PPP2R5E: variants seen among roughly 807,000 people sequenced by gnomAD.
PPP2R5E encodes the protein serine/threonine-protein phosphatase 2A 56 kDa regulatory subunit epsilon isoform.
A neutral mutation model predicts 65.3 loss-of-function variants in PPP2R5E; 4 were observed. The observed-to-expected ratio is 0.06, with a 90% CI of 0.03 to 0.14. The LOEUF is 0.14. Among genes scored for constraint, PPP2R5E ranks in the 10% least tolerant of loss-of-function variants. PPP2R5E has a pLI of 1.00. For synonymous variants in PPP2R5E, 183 were observed against 187.4 expected, an observed-to-expected ratio of 0.98 and a Z score of 0.19; for missense variants, 274 against 556.1, an observed-to-expected ratio of 0.49 and a Z score of 5.10.
chr14:63,467,251 A>AC (rs1889879940), intron 2 of PPP2R5E, among the ~76,000 whole-genome samples: 2 of 150,830 alleles, frequency 1.3e-5, no homozygotes, highest in African/African-American at 4.9e-5. Context: ...AACAAAAAAA[A>AC]CACTATTTAC....
chr14:63,410,416 G>A (rs1421319158), intron 5 of PPP2R5E, among the ~76,000 whole-genome samples: 1 of 152,166 alleles, frequency 6.6e-6, no homozygotes, highest in African/African-American at 2.4e-5. Context: ...ACTACCGAGT[G>A]CAGAGGTTAG....
chr14:63,481,611 C>A (rs552546473), intron 2 of PPP2R5E, among the ~76,000 whole-genome samples: 2 of 151,916 alleles, frequency 1.3e-5, no homozygotes, highest in African/African-American at 4.8e-5. Context: ...CAGTCCTATG[C>A]ATTTCATTGA....
chr14:63,397,046 CT>C (rs1219413829), intron 5 of PPP2R5E, among the ~76,000 whole-genome samples: 1 of 152,166 alleles, frequency 6.6e-6, no homozygotes, highest in African/African-American at 2.4e-5. Context: ...TTTTGTCCCC[CT>C]TTTACAGAAG....
intron 2 of PPP2R5E, among the ~76,000 whole-genome samples, chr14:63,513,589 C>A (rs1204974414): frequency 6.6e-6 from 1 of 152,142 alleles, no homozygotes; most frequent in Non-Finnish European, 1.5e-5. Flanking sequence ...GCTTGGGAGG[C>A]AGGGGATAGA....
At chr14:63,426,110 C>T (rs1236857184) in intron 3 of PPP2R5E, among the ~76,000 whole-genome samples, 1 of 152,118 alleles carries the variant, frequency 6.6e-6, no homozygotes, top group Non-Finnish European at 1.5e-5. Flanking sequence ...TAGTTCTCTA[C>T]CACAATGGGA....
chr14:63,446,828 C>CAAAAAAAAAAAAAAAA (rs55892835), intron 3 of PPP2R5E, among the ~76,000 whole-genome samples: 1 of 92,182 alleles, frequency 1.1e-5, no homozygotes, highest in Non-Finnish European at 2.2e-5. Context: ...GACTCCATCT[C>CAAAAAAAAAAAAAAAA]AAAAAAAAAA....
chr14:63,478,239 G>A (rs1025046232), intron 2 of PPP2R5E, among the ~76,000 whole-genome samples: 2 of 152,182 alleles, frequency 1.3e-5, no homozygotes, highest in African/African-American at 2.4e-5. Flanking sequence ...TTTTGAGAAC[G>A]GTGAAACTGA....
At position 63,396,604 on chromosome 14, in the gene PPP2R5E, A is replaced by G; in HGVS notation, c.662T>C (p.Ile221Thr). ...LGLRAFIRKQ[I>T]NNIFLRFVYE... ...CACTTACCTTAGAAAAATATTGTTA[A>G]TCTGTTTTCGGATAAATGCTCTAAG... Residue 221 changes from isoleucine (I) to threonine (T), a missense_variant, in exon 6 of 14, where the codon ATT (isoleucine) becomes ACT (threonine). By Grantham distance (89) the Ile-to-Thr change is moderately conservative. Around this residue, in one of 6 missense-constraint regions of PPP2R5E, gnomAD observed 17 missense variants for 90.3 expected, o/e 0.19. Transcript: ENST00000337537. 1 of 1,612,798 alleles carries G rather than the reference A, an allele frequency of 6.2e-7. No individual in the cohort carries two copies. Among genetic ancestry groups the G allele is most frequent in the Non-Finnish European group, 8.5e-7 (1 of 1,179,582 alleles).
At chr14:63,484,516 A>C (rs1890887039) in intron 2 of PPP2R5E, among the ~76,000 whole-genome samples, 1 of 152,186 alleles carries the variant, frequency 6.6e-6, no homozygotes, top group Non-Finnish European at 1.5e-5. Context: ...ACTGTGTCAA[A>C]CACCCACAAA....
intron 2 of PPP2R5E, among the ~76,000 whole-genome samples, chr14:63,477,916 G>T (rs969513280): frequency 4.0e-5 from 6 of 151,752 alleles, no homozygotes; most frequent in African/African-American, 1.5e-4. Context: ...AAAAATCCAC[G>T]AGAGAAACAA....
At chr14:63,517,279 C>T (rs1892707132) in intron 2 of PPP2R5E, among the ~76,000 whole-genome samples, 2 of 152,114 alleles carry the variant, frequency 1.3e-5, no homozygotes, top group South Asian at 2.1e-4. Flanking sequence ...CATTAACACA[C>T]AAATGAAAAA....
At chr14:63,430,361 A>G (rs907212169) in intron 3 of PPP2R5E, among the ~76,000 whole-genome samples, 16 of 133,530 alleles carry the variant, frequency 1.2e-4, no homozygotes, top group East Asian at 4.9e-4. Flanking sequence ...ATACATACAT[A>G]CATACATACA....
At chr14:63,381,014 C>A (rs1028206002) in intron 13 of PPP2R5E, among the ~76,000 whole-genome samples, 8 of 152,126 alleles carry the variant, frequency 5.3e-5, no homozygotes, top group Admixed American at 2.6e-4. Context: ...TCTGGGTCCT[C>A]TAAGGTCCAT....
At chr14:63,511,293 T>C (rs1331320826) in intron 2 of PPP2R5E, among the ~76,000 whole-genome samples, 3 of 152,158 alleles carry the variant, frequency 2.0e-5, no homozygotes, top group African/African-American at 4.8e-5. Flanking sequence ...CCCCAGGCTT[T>C]AGAGAACCCC....
chr14:63,461,030 G>C (rs1367294938), intron 2 of PPP2R5E, among the ~76,000 whole-genome samples: 1 of 152,078 alleles, frequency 6.6e-6, no homozygotes, highest in South Asian at 2.1e-4. Flanking sequence ...GTCAACACAT[G>C]AAAAAATATT....
At chr14:63,481,748 C>A (rs774273595) in intron 2 of PPP2R5E, among the ~76,000 whole-genome samples, 1 of 152,162 alleles carries the variant, frequency 6.6e-6, no homozygotes, top group Non-Finnish European at 1.5e-5. Flanking sequence ...TGAATTAACA[C>A]AGCCTCATGG....
chr14:63,496,017 A>G (rs1316197618), intron 2 of PPP2R5E, among the ~76,000 whole-genome samples: 1 of 152,062 alleles, frequency 6.6e-6, no homozygotes, highest in Non-Finnish European at 1.5e-5. Context: ...CATCTACAGT[A>G]TTTTTCAAGA....
chr14:63,439,754 T>C (rs1888125333), intron 3 of PPP2R5E, among the ~76,000 whole-genome samples: 1 of 152,184 alleles, frequency 6.6e-6, no homozygotes, highest in Non-Finnish European at 1.5e-5. Context: ...CATAAGTGCT[T>C]CCAAGGATTA....
chr14:63,537,163 A>G (rs1256669143), intron 2 of PPP2R5E, among the ~76,000 whole-genome samples: 1 of 152,198 alleles, frequency 6.6e-6, no homozygotes, highest in African/African-American at 2.4e-5. Flanking sequence ...ATGAGTGGTC[A>G]GTGAAGTCCT....
Sources: gnomAD v4.1 joint callset for allele counts (sites outside exome capture counted in the v4.1 genomes callset) on GRCh38, gnomAD v4.1.1 for gene constraint, gnomAD v4.1.1 regional missense constraint, MANE v1.5 for transcripts, NCBI Gene and HGNC (gene_info 2026-07-23, HGNC 2026-07-21) for gene names.